Variants in CNTN6 observed in about 807,000 individuals in gnomAD.
The protein encoded by CNTN6 is contactin 6, also known as contactin-6.
A neutral mutation model predicts 122.8 loss-of-function variants in CNTN6; 137 were observed. The observed-to-expected ratio is 1.12, with a 90% CI of 0.97 to 1.29. CNTN6 has a LOEUF of 1.29. CNTN6 is among the 50% of genes most tolerant of loss of function. CNTN6 has a pLI of 0.00. For synonymous variants in CNTN6, 570 were observed against 426.0 expected, an observed-to-expected ratio of 1.34 and a Z score of -4.16; for missense variants, 1,634 against 1,223.4, an observed-to-expected ratio of 1.34 and a Z score of -5.01.
intron 20 of CNTN6, chr3:1,394,588 A>G (rs1460533711): frequency 1.3e-5 from 2 of 152,136 alleles, no homozygotes. Context: ...TATATTCTAT[A>G]TATATATATC....
chr3:1,278,545 G>A (rs761932860), intron 5 of CNTN6, 37 bp downstream of exon 5: 1 of 1,416,128 alleles, frequency 7.1e-7, no homozygotes, highest in East Asian at 2.3e-5. Context: ...CATCAATGCG[G>A]TCACTTGGAG....
chr3:1,162,300 T>C (rs976901249), intron 2 of CNTN6, among the ~76,000 whole-genome samples: 2 of 152,158 alleles, frequency 1.3e-5, no homozygotes, highest in Admixed American at 1.3e-4. Context: ...TTGTATTGTT[T>C]TGTTTTGTTT....
At chr3:1,261,421 A>T (rs763247628) in intron 4 of CNTN6, among the ~76,000 whole-genome samples, 3 of 152,140 alleles carry the variant, frequency 2.0e-5, no homozygotes, top group Non-Finnish European at 4.4e-5. Context: ...GCTATCAAGC[A>T]CATCTCATTA....
At position 1,147,925 on chromosome 3, in the gene CNTN6, A is replaced by G. The variant is rs1457056181; in HGVS notation, c.-82-2A>G. ...ATTTCATGACAATTTTGTCTTTTTC[A>G]GACTCTTGAGATACTGACTGGAAGA... On this transcript the variant is annotated splice_acceptor_variant, in intron 1 of 22. Coordinates refer to ENST00000446702, the MANE Select transcript of CNTN6 (RefSeq NM_001289080.2). LOFTEE classifies it low-confidence loss of function (5UTR_SPLICE). 2.2e-6 allele frequency: 2 copies of G among 902,912 alleles called. No individual in the cohort carries two copies. Among genetic ancestry groups the G allele is most frequent in the Admixed American group, 2.0e-5 (1 of 50,886 alleles). 55.9% of individuals were successfully genotyped at this position (902,912 alleles called of 1,614,324 possible).
intron 2 of CNTN6, among the ~76,000 whole-genome samples, chr3:1,183,943 G>A (rs1289075102): frequency 1.3e-5 from 2 of 152,164 alleles, no homozygotes; most frequent in Non-Finnish European, 2.9e-5. Flanking sequence ...CTCAGTTACT[G>A]ATTGTTGGAT....
chr3:1,361,453 C>A (rs1183838683), intron 12 of CNTN6, among the ~76,000 whole-genome samples: 1 of 152,002 alleles, frequency 6.6e-6, no homozygotes, highest in African/African-American at 2.4e-5. Context: ...GGTAAGGGTG[C>A]AATACTAATT....
At chr3:1,229,576 C>A (rs1459913475) in intron 4 of CNTN6, among the ~76,000 whole-genome samples, 3 of 152,072 alleles carry the variant, frequency 2.0e-5, no homozygotes, top group African/African-American at 7.2e-5. Context: ...TTGTTCTGTA[C>A]TTTTTAACAA....
At chr3:1,125,652 A>G (rs1014906727) in intron 1 of CNTN6, among the ~76,000 whole-genome samples, 8 of 151,692 alleles carry the variant, frequency 5.3e-5, no homozygotes, top group African/African-American at 1.9e-4. Context: ...AATAAGTCAG[A>G]GTGTCAGCTA....
At chr3:1,142,127 C>T (rs2092621849) in intron 1 of CNTN6, among the ~76,000 whole-genome samples, 1 of 151,624 alleles carries the variant, frequency 6.6e-6, no homozygotes, top group Non-Finnish European at 1.5e-5. Context: ...ACATTTATTC[C>T]TGGTTTACTG....
At chr3:1,113,954 G>T (rs1449086770) in intron 1 of CNTN6, among the ~76,000 whole-genome samples, 1 of 152,076 alleles carries the variant, frequency 6.6e-6, no homozygotes, top group Non-Finnish European at 1.5e-5. Context: ...TCTCCTACAT[G>T]GTCACCATTC....
At chr3:1,391,986 T>A (rs1560021965) in intron 20 of CNTN6, among the ~76,000 whole-genome samples, 1 of 152,068 alleles carries the variant, frequency 6.6e-6, no homozygotes, top group Non-Finnish European at 1.5e-5. Flanking sequence ...CTGCCCAAGG[T>A]AATTTATAGA....
At chr3:1,154,671 G>C (rs1371153682) in intron 2 of CNTN6, among the ~76,000 whole-genome samples, 1 of 151,976 alleles carries the variant, frequency 6.6e-6, no homozygotes, top group Non-Finnish European at 1.5e-5. Context: ...TCGAACTCCC[G>C]ACCTCTGGTG....
intron 7 of CNTN6, among the ~76,000 whole-genome samples, chr3:1,312,750 G>A (rs570499474): frequency 6.6e-6 from 1 of 151,940 alleles, no homozygotes; most frequent in Non-Finnish European, 1.5e-5. Flanking sequence ...TTCATGCAGG[G>A]GGAGCAAAGC....
chr3:1,160,120 A>G (rs2093090656), intron 2 of CNTN6, among the ~76,000 whole-genome samples: 1 of 152,006 alleles, frequency 6.6e-6, no homozygotes, highest in Admixed American at 6.6e-5. Context: ...CGCCCGGCCA[A>G]TCATTCAGTT....
intron 11 of CNTN6, among the ~76,000 whole-genome samples, chr3:1,342,965 C>T (rs1265396943): frequency 6.6e-6 from 1 of 152,070 alleles, no homozygotes; most frequent in Non-Finnish European, 1.5e-5. Flanking sequence ...TCTCCTTTCA[C>T]CTCCTCCACC....
At chr3:1,137,068 TTCC>T (rs1053437612) in intron 1 of CNTN6, among the ~76,000 whole-genome samples, 2 of 152,194 alleles carry the variant, frequency 1.3e-5, no homozygotes, top group Non-Finnish European at 2.9e-5. Flanking sequence ...ATTCTGTCTC[TTCC>T]TCCTCCTATT....
rs755559507 is a variant in CNTN6, at chr3:1,377,017, C to T, written c.2108C>T (p.Ala703Val). ...TGGTTATTTTTAGTCCCTGTTGTGG[C>T]ACCAGTAAACATCCATGGAGGTGGA... is the stretch of plus-strand genomic sequence containing the variant. The part of the protein sequence containing the change: ...LRTKASVPVV[A>V]PVNIHGGGGS... The change falls in exon 17 of 23, where the codon GCA (alanine) becomes GTA (valine). Residue 703 changes from alanine (A) to valine (V), a missense_variant. Ala to Val is a moderately conservative substitution (Grantham distance 64). Coordinates refer to ENST00000446702, the MANE Select transcript of CNTN6 (RefSeq NM_001289080.2). 3.8e-6 allele frequency: 6 copies of T among 1,597,280 alleles called. No individual in the cohort carries two copies. In the African/African-American group the frequency reaches 6.7e-5, roughly 18 times the overall value.
rs565007167 is a variant in CNTN6 at position 1,323,154 on chromosome 3, A to G, written c.946+1320A>G. Among the ~76,000 whole-genome samples, 22 of 151,890 alleles carry G rather than the reference A, an allele frequency of 1.4e-4. No individual in the cohort carries two copies. In the South Asian group the frequency reaches 1.7e-3, roughly 11 times the overall value. On this transcript the variant is annotated intron_variant, in intron 8 of 22. Transcript: ENST00000446702. ...ATGTTAGCTTACATAGCAATTTTAC[A>G]AACATTCACTTATAGAATTCTTAAT...
intron 1 of CNTN6, among the ~76,000 whole-genome samples, chr3:1,109,550 T>A (rs556527323): frequency 1.3e-3 from 199 of 152,164 alleles, no homozygotes; most frequent in Non-Finnish European, 2.4e-3. Context: ...GCTCCTCTAT[T>A]ACTTTGGACT....
Sources: gnomAD v4.1 joint callset for allele counts (sites outside exome capture counted in the v4.1 genomes callset) on GRCh38, gnomAD v4.1.1 for gene constraint, MANE v1.5 for transcripts, NCBI Gene and HGNC (gene_info 2026-07-23, HGNC 2026-07-21) for gene names.